The following CYB5R3 variants were observed in gnomAD, a reference collection of about 807,000 sequenced individuals.
CYB5R3 encodes the protein NADH-cytochrome b5 reductase 3.
In CYB5R3, 28 loss-of-function variants were observed where a neutral mutation model predicts 36.5. The observed-to-expected ratio is 0.77, with a 90% CI of 0.57 to 1.05. The LOEUF is 1.05. Ranked by LOEUF, CYB5R3 falls within the 50% of genes least tolerant of loss-of-function variation. The pLI is 0.00. For missense variants in CYB5R3, 474 were observed against 408.9 expected (o/e 1.16, Z -1.37); for synonymous variants, 181 against 159.8 (o/e 1.13, Z -1.00).
At chr22:42,626,663 A>G (rs1460822842) in intron 7 of CYB5R3, among the ~76,000 whole-genome samples, 1 of 152,192 alleles carries the variant, frequency 6.6e-6, no homozygotes, top group Non-Finnish European at 1.5e-5. Flanking sequence ...ACCCACATCC[A>G]AGGACCTCAG....
intron 1 of CYB5R3, 52 bp downstream of exon 1, chr22:42,649,243 G>T: frequency 1.2e-6 from 1 of 837,938 alleles, no homozygotes; most frequent in Non-Finnish European, 1.5e-6. Context: ...CTCGCCGCCG[G>T]GTCCCAGTCC....
rs67349863 is a variant in CYB5R3 at position 42,638,728 on chromosome 22, T to TAAAAAAA, written c.22-1889_22-1883dup. ...GCCTGGGAGACAGAGCAAGACTCCA[T>TAAAAAAA]AAAAAAAAAAAAAAAAAAAAAAGGC... On this transcript the variant is annotated intron_variant, in intron 1 of 8. Coordinates refer to ENST00000352397, the MANE Select transcript of CYB5R3 (RefSeq NM_000398.7). Among the ~76,000 whole-genome samples, 17 of 47,516 alleles carry TAAAAAAA rather than the reference T, an allele frequency of 3.6e-4. 2 individuals carry two copies. The highest frequency in any genetic ancestry group is 7.7e-4 in the African/African-American group (7 of 9,110). The allele number at this position is 47,516 out of a possible 152,430, so 31.2% of individuals were successfully genotyped here.
intron 1 of CYB5R3, chr22:42,640,068 T>C: frequency 6.2e-7 from 1 of 1,613,914 alleles, no homozygotes; most frequent in Non-Finnish European, 8.5e-7. Context: ...CTTCCTTAAC[T>C]GTGAGCTGTT....
At chr22:42,631,249 G>A in intron 3 of CYB5R3, 129 bp downstream of exon 3, 1 of 977,902 alleles carries the variant, frequency 1.0e-6, no homozygotes, top group Non-Finnish European at 1.5e-6. Flanking sequence ...CAAAGGCCCA[G>A]GGCAGCTGTC....
intron 1 of CYB5R3, among the ~76,000 whole-genome samples, chr22:42,637,921 C>T (rs1928983145): frequency 6.6e-6 from 1 of 152,182 alleles, no homozygotes; most frequent in Non-Finnish European, 1.5e-5. Flanking sequence ...TGTTCCTCCC[C>T]AGCCCCTGCC....
intron 1 of CYB5R3, 98 bp downstream of exon 1, chr22:42,649,197 G>T: frequency 2.1e-6 from 1 of 480,060 alleles, no homozygotes; most frequent in South Asian, 4.8e-5. Flanking sequence ...GGTGCGGCCC[G>T]GGTCCCGCGT....
At chr22:42,634,690 A>T (rs553820973) in intron 2 of CYB5R3, among the ~76,000 whole-genome samples, 5 of 143,856 alleles carry the variant, frequency 3.5e-5, no homozygotes, top group African/African-American at 1.1e-4. Flanking sequence ...CAGTGGCACG[A>T]TCTCGGCTCA....
intron 7 of CYB5R3, among the ~76,000 whole-genome samples, chr22:42,626,812 CCA>C (rs1433067223): frequency 6.9e-6 from 1 of 145,372 alleles, no homozygotes; most frequent in African/African-American, 2.7e-5. Context: ...TCGTCCAAGA[CCA>C]CACAGCAGGC....
chr22:42,630,976 T>C lies in CYB5R3; in HGVS notation c.239A>G (p.Tyr80Cys). 1.2e-6 allele frequency: 2 copies of C among 1,613,596 alleles called. No homozygotes were observed. Among genetic ancestry groups the C allele is most frequent in the Non-Finnish European group, 1.7e-6 (2 of 1,179,850 alleles). ...GTTTCCATCAATTCGAGCCGAGAGG[T>C]AGATGTGCTGGCCTGCAGGACAGAA... Reference protein sequence around the residue: ...ILGLPVGQHIYLSARIDGNLV... With the variant: ...ILGLPVGQHICLSARIDGNLV... The change falls in exon 4 of 9, where the codon TAC becomes TGC. Residue 80 changes from tyrosine (Y) to cysteine (C), a missense_variant. Physicochemically the swap from Tyr to Cys is radical, Grantham distance 194. Coordinates refer to ENST00000352397, the MANE Select transcript of CYB5R3 (RefSeq NM_000398.7).
chr22:42,628,770 G>A (rs1928446472), intron 4 of CYB5R3, among the ~76,000 whole-genome samples: 1 of 152,148 alleles, frequency 6.6e-6, no homozygotes, highest in African/African-American at 2.4e-5. Context: ...GAAAGAGAAG[G>A]GCCTCAATCC....
intron 2 of CYB5R3, among the ~76,000 whole-genome samples, chr22:42,634,801 T>C (rs1601941249): frequency 1.1e-5 from 1 of 88,690 alleles, no homozygotes; most frequent in Admixed American, 1.1e-4. Flanking sequence ...AATTTTCATA[T>C]TGATTGATTG....
intron 1 of CYB5R3, among the ~76,000 whole-genome samples, chr22:42,638,728 TAAA>T (rs67349863): frequency 0.21 from 9,843 of 47,330 alleles, 1,023 homozygotes; most frequent in East Asian, 0.69. Context: ...CAAGACTCCA[TAAA>T]AAAAAAAAAA....
chr22:42,649,178 G>T, intron 1 of CYB5R3, 117 bp downstream of exon 1: 1 of 343,540 alleles, frequency 2.9e-6, no homozygotes, highest in Non-Finnish European at 4.3e-6. Context: ...GGCGAAGTGG[G>T]TGCGGCCGGG....
At chr22:42,628,547 G>A (rs538503628) in intron 4 of CYB5R3, among the ~76,000 whole-genome samples, 4 of 152,184 alleles carry the variant, frequency 2.6e-5, no homozygotes, top group Admixed American at 2.0e-4. Context: ...CCAACTCCAG[G>A]GCTGGATGCA....
At chr22:42,625,750 C>T (rs1928234539) in intron 7 of CYB5R3, among the ~76,000 whole-genome samples, 1 of 152,002 alleles carries the variant, frequency 6.6e-6, no homozygotes, top group Non-Finnish European at 1.5e-5. Flanking sequence ...GCACGGTTCT[C>T]GGAGTGTAGC....
chr22:42,627,693 G>C lies in CYB5R3; in HGVS notation c.464-5C>G. 1 of 1,605,696 alleles carries C rather than the reference G, an allele frequency of 6.2e-7. No homozygotes were observed. Among genetic ancestry groups the C allele is most frequent in the Non-Finnish European group, 8.5e-7 (1 of 1,172,348 alleles). On this transcript the variant is annotated splice_region_variant and splice_polypyrimidine_tract_variant and intron_variant, in intron 5 of 8. Coordinates refer to ENST00000352397, the MANE Select transcript of CYB5R3 (RefSeq NM_000398.7). The stretch of plus-strand genomic sequence containing the variant: ...CAGGTCGGATGGCGAACTTCCCTGG[G>C]GAGAGAGAAGGGGTGAGGCCCGGCC...
chr22:42,643,298 G>A (rs938148431), intron 1 of CYB5R3, among the ~76,000 whole-genome samples: 4 of 152,310 alleles, frequency 2.6e-5, no homozygotes, highest in East Asian at 1.9e-4. Context: ...CCCAGGTCAC[G>A]TAGGGGTCTA....
chr22:42,637,572 G>A (rs1928963066), intron 1 of CYB5R3, among the ~76,000 whole-genome samples: 1 of 152,148 alleles, frequency 6.6e-6, no homozygotes, highest in Admixed American at 6.6e-5. Context: ...CTGGCTGTGT[G>A]ACCCCGAGAA....
chr22:42,636,095 A>C (rs905574708), intron 2 of CYB5R3, among the ~76,000 whole-genome samples: 6 of 152,158 alleles, frequency 3.9e-5, no homozygotes, highest in Non-Finnish European at 5.9e-5. Context: ...TCACGCCTGT[A>C]ATCGCAGCTA....
Sources: gnomAD v4.1 joint callset for allele counts (sites outside exome capture counted in the v4.1 genomes callset) on GRCh38, gnomAD v4.1.1 for gene constraint, MANE v1.5 for transcripts, NCBI Gene and HGNC (gene_info 2026-07-23, HGNC 2026-07-21) for gene names.